Variants in KIF26B observed in about 807,000 individuals in gnomAD.
KIF26B encodes the protein kinesin family member 26B, also known as kinesin-like protein KIF26B.
In KIF26B, 63 loss-of-function variants were observed where a neutral mutation model predicts 151.2. The ratio of observed to expected loss-of-function variants is 0.42; its 90% CI spans 0.34 to 0.51. The LOEUF (loss-of-function observed/expected upper bound fraction) is 0.51. Among genes scored for constraint, KIF26B ranks in the 20% least tolerant of loss-of-function variants. KIF26B has a pLI of 0.07. For synonymous variants in KIF26B, 1,357 were observed against 1,262.1 expected (o/e 1.08, Z -1.59); for missense variants, 2,813 against 2,913.6 (o/e 0.97, Z 0.79).
intron 4 of KIF26B, among the ~76,000 whole-genome samples, chr1:245,465,565 C>A (rs1482992181): frequency 6.6e-6 from 1 of 152,214 alleles, no homozygotes; most frequent in Admixed American, 6.5e-5. Context: ...CCGTTTCCTT[C>A]CCATTTACAC....
chr1:245,380,700 TC>T, intron 3 of KIF26B, among the ~76,000 whole-genome samples: 1 of 152,104 alleles, frequency 6.6e-6, no homozygotes, highest in South Asian at 2.1e-4. Flanking sequence ...CCCCAGCCCC[TC>T]TCTGGAGGGA....
intron 2 of KIF26B, among the ~76,000 whole-genome samples, chr1:245,269,779 T>G (rs1047094123): frequency 4.6e-5 from 7 of 151,666 alleles, no homozygotes; most frequent in Non-Finnish European, 8.8e-5. Flanking sequence ...CCTGCCACCT[T>G]TTTTTTTAAA....
At chr1:245,541,064 A>C in intron 5 of KIF26B, 114 bp downstream of exon 5, 1 of 846,246 alleles carries the variant, frequency 1.2e-6, no homozygotes, top group Non-Finnish European at 1.8e-6. Flanking sequence ...GCCAGGGAGA[A>C]AAGGAGGCAA....
chr1:245,217,458 G>A (rs1350575934), intron 2 of KIF26B, among the ~76,000 whole-genome samples: 1 of 151,828 alleles, frequency 6.6e-6, no homozygotes, highest in African/African-American at 2.4e-5. Flanking sequence ...TCCGCTGCTG[G>A]GGTTCAAGCG....
intron 10 of KIF26B, among the ~76,000 whole-genome samples, chr1:245,679,462 T>TG (rs2044402164): frequency 1.7e-5 from 2 of 118,518 alleles, no homozygotes; most frequent in Non-Finnish European, 3.3e-5. Context: ...TGTGTGTTTT[T>TG]TTTTTTTTTT....
intron 4 of KIF26B, among the ~76,000 whole-genome samples, chr1:245,476,060 A>G (rs181836442): frequency 2.6e-5 from 4 of 152,000 alleles, no homozygotes; most frequent in Admixed American, 6.5e-5. Flanking sequence ...TGCACAATGG[A>G]AAGTTATTCG....
intron 4 of KIF26B, among the ~76,000 whole-genome samples, chr1:245,436,253 T>C (rs1371071714): frequency 6.6e-6 from 1 of 152,008 alleles, no homozygotes; most frequent in African/African-American, 2.4e-5. Context: ...AATTCTAAAC[T>C]CTCAGTTGGG....
At chr1:245,529,394 G>A (rs925556264) in intron 4 of KIF26B, among the ~76,000 whole-genome samples, 2 of 152,148 alleles carry the variant, frequency 1.3e-5, no homozygotes, top group African/African-American at 4.8e-5. Flanking sequence ...CAGAAACAGA[G>A]GCAGAGGGTG....
intron 2 of KIF26B, among the ~76,000 whole-genome samples, chr1:245,301,896 C>T (rs1298343417): frequency 2.0e-5 from 3 of 152,138 alleles, no homozygotes; most frequent in Non-Finnish European, 4.4e-5. Flanking sequence ...TGTGTAAAAA[C>T]GGTATCCCCA....
chr1:245,411,687 C>G (rs1050231352), intron 3 of KIF26B, among the ~76,000 whole-genome samples: 18 of 152,246 alleles, frequency 1.2e-4, no homozygotes, highest in African/African-American at 4.3e-4. Flanking sequence ...GGAGCCTGTT[C>G]TTGGAGACCC....
At chr1:245,423,736 G>A (rs1380563271) in intron 4 of KIF26B, among the ~76,000 whole-genome samples, 1 of 152,096 alleles carries the variant, frequency 6.6e-6, no homozygotes, top group African/African-American at 2.4e-5. Flanking sequence ...GGAATTTTCT[G>A]GATAAATGTT....
intron 10 of KIF26B, among the ~76,000 whole-genome samples, chr1:245,646,989 T>C (rs1367700412): frequency 6.6e-6 from 1 of 152,224 alleles, no homozygotes; most frequent in Admixed American, 6.5e-5. Context: ...TGGCAGGCCA[T>C]TGACTGGCTG....
intron 4 of KIF26B, among the ~76,000 whole-genome samples, chr1:245,487,719 T>G (rs1360890619): frequency 1.3e-5 from 2 of 150,892 alleles, no homozygotes; most frequent in African/African-American, 4.9e-5. Context: ...TACCTACGCC[T>G]CCCGAGTAGC....
At chr1:245,208,837 C>A (rs1216897527) in intron 2 of KIF26B, among the ~76,000 whole-genome samples, 1 of 152,174 alleles carries the variant, frequency 6.6e-6, no homozygotes, top group East Asian at 1.9e-4. Context: ...CCAGTGAGCT[C>A]AGCTAGCCCA....
intron 4 of KIF26B, among the ~76,000 whole-genome samples, chr1:245,486,891 C>T (rs1356925132): frequency 2.0e-5 from 3 of 152,200 alleles, no homozygotes; most frequent in Non-Finnish European, 2.9e-5. Flanking sequence ...GGCTGTGGTT[C>T]AGCTTTAATA....
At chr1:245,226,046 A>G (rs1669866737) in intron 2 of KIF26B, 2 of 152,246 alleles carry the variant, frequency 1.3e-5, no homozygotes, top group African/African-American at 4.8e-5. Flanking sequence ...TTAGTGATTG[A>G]TGTCCATGAT....
chr1:245,640,759 C>A (rs1463483799), intron 9 of KIF26B, among the ~76,000 whole-genome samples: 1 of 152,036 alleles, frequency 6.6e-6, no homozygotes, highest in Non-Finnish European at 1.5e-5. Flanking sequence ...ACCAATTTAA[C>A]TTTTCATTGT....
chr1:245,388,223 T>A (rs1673600261), intron 3 of KIF26B, among the ~76,000 whole-genome samples: 2 of 152,172 alleles, frequency 1.3e-5, no homozygotes, highest in South Asian at 4.1e-4. Context: ...TATCATAGTA[T>A]TTTTTAAAAA....
At chr1:245,201,401 T>C (rs1403690450) in intron 2 of KIF26B, among the ~76,000 whole-genome samples, 1 of 152,240 alleles carries the variant, frequency 6.6e-6, no homozygotes, top group Non-Finnish European at 1.5e-5. Flanking sequence ...TAAATGCTAG[T>C]AAGGGCTTGT....
Sources: allele counts gnomAD v4.1 joint callset (sites outside exome capture counted in the v4.1 genomes callset), GRCh38; gene constraint gnomAD v4.1.1; transcripts MANE v1.5; gene names NCBI Gene and HGNC (gene_info 2026-07-23, HGNC 2026-07-21).